The following SOX6 variants were observed in gnomAD, a reference collection of about 807,000 sequenced individuals.
The protein encoded by SOX6 is transcription factor SOX-6.
In SOX6, 11 loss-of-function variants were observed where a neutral mutation model predicts 97.8. That is an observed-to-expected ratio of 0.11 (90% CI 0.07 to 0.19). The LOEUF (loss-of-function observed/expected upper bound fraction) is 0.19. Ranked by LOEUF, SOX6 falls within the 10% of genes least tolerant of loss-of-function variation. The pLI is 1.00. For synonymous variants in SOX6, 360 were observed against 371.4 expected (o/e 0.97, Z 0.35); for missense variants, 810 against 1,039.5 (o/e 0.78, Z 3.04).
At chr11:16,655,915 G>A (rs1314668496) in intron 3 of SOX6, among the ~76,000 whole-genome samples, 1 of 151,874 alleles carries the variant, frequency 6.6e-6, no homozygotes, top group Non-Finnish European at 1.5e-5. Flanking sequence ...GCTGCAGTGA[G>A]CTATGATCAC....
At chr11:15,978,830 T>TAA (rs1163671120) in intron 15 of SOX6, among the ~76,000 whole-genome samples, 1 of 136,140 alleles carries the variant, frequency 7.3e-6, no homozygotes, top group Non-Finnish European at 1.6e-5. Context: ...ATATTATATA[T>TAA]AACATATCAG....
intron 1 of SOX6, among the ~76,000 whole-genome samples, chr11:16,421,686 T>G (rs1203626454): frequency 6.6e-6 from 1 of 152,228 alleles, no homozygotes; most frequent in Non-Finnish European, 1.5e-5. Flanking sequence ...AATTAGGAAC[T>G]ATGACTGTTC....
At chr11:16,405,165 C>T (rs185456682) in intron 1 of SOX6, among the ~76,000 whole-genome samples, 1 of 152,096 alleles carries the variant, frequency 6.6e-6, no homozygotes, top group East Asian at 1.9e-4. Flanking sequence ...TTCTGTTATA[C>T]TCTGCCTTGC....
intron 3 of SOX6, among the ~76,000 whole-genome samples, chr11:16,280,756 T>C (rs1373311817): frequency 6.6e-6 from 1 of 152,152 alleles, no homozygotes; most frequent in African/African-American, 2.4e-5. Context: ...ATTACTTATG[T>C]GCTAGACATG....
chr11:16,573,560 T>C lies in SOX6; in HGVS notation n.609+38521A>G, dbSNP rs965586323. Among the ~76,000 whole-genome samples the C allele has an allele frequency of 1.3e-5, 2 of 152,200 alleles. 1 individual carries two copies. Among genetic ancestry groups the C allele is most frequent in the Admixed American group, 1.3e-4 (2 of 15,284 alleles). On this transcript the variant is annotated intron_variant and non_coding_transcript_variant, in intron 4 of 5. Coordinates refer to the SOX6 transcript ENST00000524520. ...GAAATTACTATGCAGGATATATATA[T>C]ATGTGTTACCAAACTATCTGCTTAA...
intron 6 of SOX6, among the ~76,000 whole-genome samples, chr11:16,137,155 G>C (rs538959923): frequency 6.6e-6 from 1 of 152,290 alleles, no homozygotes; most frequent in East Asian, 1.9e-4. Context: ...GCATGTGGGG[G>C]CCGGGAGCAG....
At chr11:16,666,299 G>A (rs1847806583) in intron 3 of SOX6, among the ~76,000 whole-genome samples, 1 of 152,070 alleles carries the variant, frequency 6.6e-6, no homozygotes, top group Non-Finnish European at 1.5e-5. Flanking sequence ...AGCTGTTTGA[G>A]GAAACTCAAT....
At chr11:16,107,253 G>T (rs1389213057) in intron 7 of SOX6, among the ~76,000 whole-genome samples, 1 of 151,570 alleles carries the variant, frequency 6.6e-6, no homozygotes, top group Admixed American at 6.6e-5. Context: ...TATCCAAAAG[G>T]ATTGAAAGTG....
At chr11:16,520,197 T>A (rs908531130) in intron 4 of SOX6, among the ~76,000 whole-genome samples, 2 of 152,248 alleles carry the variant, frequency 1.3e-5, no homozygotes, top group African/African-American at 4.8e-5. Context: ...AGCTCTTTAG[T>A]TTAATTAAGT....
intron 12 of SOX6, among the ~76,000 whole-genome samples, chr11:16,025,657 C>A (rs1855196763): frequency 6.6e-6 from 1 of 152,020 alleles, no homozygotes; most frequent in Non-Finnish European, 1.5e-5. Flanking sequence ...GCTATACGAA[C>A]CAAGAATAAA....
At chr11:16,004,735 A>C (rs1204111747) in intron 13 of SOX6, among the ~76,000 whole-genome samples, 1 of 152,100 alleles carries the variant, frequency 6.6e-6, no homozygotes, top group Non-Finnish European at 1.5e-5. Context: ...AGCTAATCCA[A>C]CAAAGGCAAC....
At chr11:16,600,959 T>C (rs1383918938) in intron 4 of SOX6, among the ~76,000 whole-genome samples, 1 of 152,164 alleles carries the variant, frequency 6.6e-6, no homozygotes, top group Non-Finnish European at 1.5e-5. Flanking sequence ...TTTTTTTACT[T>C]GAATATTGAG....
At chr11:16,167,088 G>A (rs1016720159) in intron 6 of SOX6, among the ~76,000 whole-genome samples, 4 of 151,968 alleles carry the variant, frequency 2.6e-5, no homozygotes, top group African/African-American at 7.2e-5. Flanking sequence ...ATCTCCAAAC[G>A]GATCTCTAAT....
At chr11:16,171,680 A>G (rs1482017813) in intron 6 of SOX6, among the ~76,000 whole-genome samples, 1 of 151,970 alleles carries the variant, frequency 6.6e-6, no homozygotes, top group Non-Finnish European at 1.5e-5. Flanking sequence ...AATGACATTA[A>G]GGTGAACTGC....
intron 3 of SOX6, among the ~76,000 whole-genome samples, chr11:16,655,129 A>G (rs1018764292): frequency 6.6e-6 from 1 of 152,196 alleles, no homozygotes; most frequent in Admixed American, 6.5e-5. Context: ...GGACTTGTCT[A>G]TTTCTTCCAG....
upstream of SOX6, among the ~76,000 whole-genome samples, chr11:16,357,177 G>A (rs912282910): frequency 6.6e-6 from 1 of 152,020 alleles, no homozygotes; most frequent in Non-Finnish European, 1.5e-5. Context: ...ACTTGGGCTT[G>A]GTACTACTAT....
intron 1 of SOX6, among the ~76,000 whole-genome samples, chr11:16,362,502 G>A (rs771295467): frequency 3.7e-4 from 56 of 151,922 alleles, no homozygotes; most frequent in Non-Finnish European, 6.5e-4. Context: ...AGGAAAGCCC[G>A]AAAAAACCTA....
At chr11:16,297,311 A>C (rs1855123896) in intron 3 of SOX6, among the ~76,000 whole-genome samples, 2 of 152,146 alleles carry the variant, frequency 1.3e-5, no homozygotes, top group African/African-American at 4.8e-5. Context: ...CATAAATTAC[A>C]ACATAAATGC....
intron 3 of SOX6, among the ~76,000 whole-genome samples, chr11:16,623,410 A>ATT (rs60091985): frequency 3.3e-5 from 5 of 150,588 alleles, no homozygotes; most frequent in South Asian, 2.1e-4. Context: ...TTTTTATGGG[A>ATT]TTTTTTTTTC....
Sources: allele counts gnomAD v4.1 joint callset (sites outside exome capture counted in the v4.1 genomes callset), GRCh38; gene constraint gnomAD v4.1.1; transcripts MANE v1.5; gene names NCBI Gene and HGNC (gene_info 2026-07-23, HGNC 2026-07-21).